Variants in IGSF21 observed in about 807,000 individuals in gnomAD.
IGSF21 encodes immunoglobulin superfamily member 21.
IGSF21 carries 28 observed loss-of-function variants against 46.8 expected under a neutral mutation model. The observed-to-expected ratio is 0.60, with a 90% CI of 0.44 to 0.82. The LOEUF (loss-of-function observed/expected upper bound fraction) is 0.82, where lower values mean the gene tolerates loss of function less well. IGSF21 is among the 40% of genes least tolerant of loss of function. The pLI, the probability that IGSF21 is intolerant of heterozygous loss-of-function variation, is 0.00. For missense variants in IGSF21, 624 were observed against 665.5 expected (o/e 0.94, Z 0.69); for synonymous variants, 284 against 273.6 (o/e 1.04, Z -0.38).
intron 1 of IGSF21, among the ~76,000 whole-genome samples, chr1:18,146,987 C>G (rs1023051523): frequency 2.0e-5 from 3 of 152,216 alleles, no homozygotes; most frequent in African/African-American, 7.2e-5. Flanking sequence ...CCCTTGCTCT[C>G]TACGCCTGGT....
intron 3 of IGSF21, among the ~76,000 whole-genome samples, chr1:18,324,695 G>A (rs2124597530): frequency 6.6e-6 from 1 of 152,310 alleles, no homozygotes; most frequent in East Asian, 1.9e-4. Context: ...TCACAAGACA[G>A]GTCCCTTAGC....
At chr1:18,154,138 C>T (rs1000550242) in intron 1 of IGSF21, among the ~76,000 whole-genome samples, 2 of 152,144 alleles carry the variant, frequency 1.3e-5, no homozygotes, top group Admixed American at 6.5e-5. Flanking sequence ...ATGCATTCCT[C>T]GCTTCACCCC....
intron 1 of IGSF21, among the ~76,000 whole-genome samples, chr1:18,193,195 T>C (rs1301903968): frequency 6.6e-6 from 1 of 151,834 alleles, no homozygotes; most frequent in Non-Finnish European, 1.5e-5. Context: ...CCAGGGGTAG[T>C]AGGCAGAGGG....
At chr1:18,285,822 C>T (rs1490360295) in intron 2 of IGSF21, among the ~76,000 whole-genome samples, 4 of 152,306 alleles carry the variant, frequency 2.6e-5, no homozygotes, top group South Asian at 2.1e-4. Flanking sequence ...CTTTCTGTTA[C>T]GATGACAGGA....
At chr1:18,355,464 G>A (rs2086005910) in intron 4 of IGSF21, among the ~76,000 whole-genome samples, 1 of 152,152 alleles carries the variant, frequency 6.6e-6, no homozygotes, top group African/African-American at 2.4e-5. Flanking sequence ...TTCAACTCCT[G>A]CCTCCCTTGG....
intron 4 of IGSF21, among the ~76,000 whole-genome samples, chr1:18,341,128 CTCT>C (rs2085836084): frequency 6.8e-6 from 1 of 146,114 alleles, no homozygotes; most frequent in South Asian, 2.2e-4. Context: ...CCTTCTTCTT[CTCT>C]TTTTTTTTTT....
intron 1 of IGSF21, among the ~76,000 whole-genome samples, chr1:18,161,015 A>G (rs953349743): frequency 2.0e-5 from 3 of 152,112 alleles, no homozygotes; most frequent in Admixed American, 6.5e-5. Flanking sequence ...CCAACTGTAG[A>G]GCTTTAGGCC....
At chr1:18,210,900 C>T (rs2084385222) in intron 1 of IGSF21, among the ~76,000 whole-genome samples, 1 of 152,116 alleles carries the variant, frequency 6.6e-6, no homozygotes, top group African/African-American at 2.4e-5. Context: ...CAGAGTCTCA[C>T]TCTGTCACTC....
At chr1:18,346,985 C>G (rs1440528817) in intron 4 of IGSF21, among the ~76,000 whole-genome samples, 1 of 152,186 alleles carries the variant, frequency 6.6e-6, no homozygotes, top group African/African-American at 2.4e-5. Context: ...CACGGACCTC[C>G]CAGCCAGCTG....
intron 3 of IGSF21, among the ~76,000 whole-genome samples, chr1:18,293,517 G>T (rs2085286771): frequency 6.6e-6 from 1 of 152,136 alleles, no homozygotes; most frequent in Non-Finnish European, 1.5e-5. Flanking sequence ...GAAGAGGTGT[G>T]TGAACAGCCG....
intron 1 of IGSF21, among the ~76,000 whole-genome samples, chr1:18,177,812 T>C (rs2086817628): frequency 6.6e-6 from 1 of 152,144 alleles, no homozygotes; most frequent in East Asian, 1.9e-4. Context: ...ATGCCCGTTG[T>C]CTTCAAAATA....
intron 4 of IGSF21, among the ~76,000 whole-genome samples, chr1:18,339,227 C>A (rs1489910237): frequency 1.3e-5 from 2 of 152,218 alleles, no homozygotes; most frequent in Non-Finnish European, 2.9e-5. Flanking sequence ...CCACGTGAGT[C>A]ACAGAGCAGG....
intron 3 of IGSF21, among the ~76,000 whole-genome samples, chr1:18,323,984 G>A (rs535652324): frequency 2.0e-5 from 3 of 152,134 alleles, no homozygotes; most frequent in South Asian, 2.1e-4. Context: ...GAGGCTCCAG[G>A]CCCCCTGTCC....
chr1:18,256,702 T>G (rs1258031037), intron 2 of IGSF21, among the ~76,000 whole-genome samples: 1 of 152,216 alleles, frequency 6.6e-6, no homozygotes, highest in Admixed American at 6.5e-5. Flanking sequence ...GGCTTTGAGC[T>G]GCTGCCGTTA....
intron 1 of IGSF21, among the ~76,000 whole-genome samples, chr1:18,182,483 G>A (rs796572031): frequency 5.9e-5 from 9 of 152,238 alleles, no homozygotes; most frequent in African/African-American, 2.2e-4. Flanking sequence ...CCGACCCCCA[G>A]AAAGTGTCTT....
intron 2 of IGSF21, among the ~76,000 whole-genome samples, chr1:18,249,493 G>A (rs1459374039): frequency 6.6e-6 from 1 of 152,164 alleles, no homozygotes; most frequent in African/African-American, 2.4e-5. Context: ...GGTGGTGTGG[G>A]AAGGGGCAGC....
Position 18,376,218 on chromosome 1 carries a change from A to C in IGSF21, c.1016-92A>C. 1.0e-5 allele frequency: 9 copies of C among 870,528 alleles called. No homozygotes were observed. In the South Asian group the frequency reaches 1.2e-4, roughly 12 times the overall value. 53.9% of individuals were successfully genotyped at this position (870,528 alleles called of 1,614,324 possible). On this transcript the variant is annotated intron_variant, in intron 6 of 9. Transcript: ENST00000251296. ...CTTCTCACAGAAGCAGCTGATCCCA[A>C]GGATGTTGATTGCTAGACTAGAACT...
At chr1:18,304,843 T>C (rs1278796213) in intron 3 of IGSF21, among the ~76,000 whole-genome samples, 2 of 152,148 alleles carry the variant, frequency 1.3e-5, no homozygotes, top group East Asian at 3.9e-4. Flanking sequence ...TTTAAAAAAA[T>C]TGAAGGCTAA....
At chr1:18,149,661 TG>T (rs11336219) in intron 1 of IGSF21, among the ~76,000 whole-genome samples, 58,727 of 151,000 alleles carry the variant, frequency 0.39, 11,842 homozygotes, top group East Asian at 0.57. Context: ...ATGGGCAGAT[TG>T]TGGAAATCCT....
Sources: allele counts gnomAD v4.1 joint callset (sites outside exome capture counted in the v4.1 genomes callset), GRCh38; gene constraint gnomAD v4.1.1; transcripts MANE v1.5; gene names NCBI Gene and HGNC (gene_info 2026-07-23, HGNC 2026-07-21).